Variants in AKR1C2 observed in about 807,000 individuals in gnomAD.
AKR1C2 encodes aldo-keto reductase family 1 member C2.
A neutral mutation model predicts 39.8 loss-of-function variants in AKR1C2; 27 were observed. The ratio of observed to expected loss-of-function variants is 0.68; its 90% CI spans 0.50 to 0.93. The LOEUF is 0.93. Ranked by LOEUF, AKR1C2 falls within the 40% of genes least tolerant of loss-of-function variation. The pLI is 0.00. For synonymous variants in AKR1C2, 114 were observed against 137.9 expected (o/e 0.83, Z 1.22); for missense variants, 263 against 365.1 (o/e 0.72, Z 2.28).
rs370479549 is a variant in AKR1C2, at chr10:4,989,980, T to G, written c.*16A>C. On this transcript the variant is annotated 3_prime_UTR_variant, in exon 9 of 9. Transcript: ENST00000380753. ...ACGCAGGGCCTTCTGGCAGACCTCA[T>G]GCAATGCCCTCCATGTTAATATTCA... is the stretch of plus-strand genomic sequence containing the variant. 2 of 1,607,608 alleles carry G rather than the reference T, an allele frequency of 1.2e-6. No homozygotes were observed. Among genetic ancestry groups the G allele is most frequent in the Non-Finnish European group, 1.7e-6 (2 of 1,175,504 alleles).
At chr10:5,012,050 G>C (rs1837534982) in intron 1 of AKR1C2, among the ~76,000 whole-genome samples, 1 of 152,016 alleles carries the variant, frequency 6.6e-6, no homozygotes, top group South Asian at 2.1e-4. Flanking sequence ...CACAAATCCT[G>C]GGAGAAAGGG....
intron 2 of AKR1C2, among the ~76,000 whole-genome samples, chr10:5,001,069 C>T (rs1837253714): frequency 6.6e-6 from 1 of 152,158 alleles, no homozygotes; most frequent in Non-Finnish European, 1.5e-5. Context: ...AATATGTTAA[C>T]TTGGGCTGGA....
intron 8 of AKR1C2, among the ~76,000 whole-genome samples, chr10:4,991,437 C>T (rs571980433): frequency 1.3e-5 from 2 of 152,284 alleles, no homozygotes; most frequent in Non-Finnish European, 2.9e-5. Flanking sequence ...TCTGGTAAGA[C>T]ATTGAGCAGG....
intron 7 of AKR1C2, among the ~76,000 whole-genome samples, chr10:4,993,141 A>C (rs1407491026): frequency 6.6e-6 from 1 of 152,252 alleles, no homozygotes; most frequent in Non-Finnish European, 1.5e-5. Flanking sequence ...TAAAACATTT[A>C]CTTGCCTGTG....
upstream of AKR1C2, among the ~76,000 whole-genome samples, chr10:5,007,792 A>C (rs560008846): frequency 5.8e-4 from 87 of 150,878 alleles, 1 homozygote; most frequent in South Asian, 4.8e-3. Flanking sequence ...AAAATCAAAA[A>C]CAAGTTATTT....
At chr10:4,990,637 G>T (rs1189978706) in intron 8 of AKR1C2, among the ~76,000 whole-genome samples, 1 of 152,034 alleles carries the variant, frequency 6.6e-6, no homozygotes, top group Non-Finnish European at 1.5e-5. Context: ...AATCCAAAAT[G>T]TAAAGACACA....
chr10:5,001,679 A>G lies in AKR1C2; in HGVS notation c.87T>C (p.Val29=), dbSNP rs1837279084. 3 of 1,613,544 alleles carry G rather than the reference A, an allele frequency of 1.9e-6. No individual in the cohort carries two copies. Among genetic ancestry groups the G allele is most frequent in the Admixed American group, 3.3e-5 (2 of 59,950 alleles). Residue 29 remains valine (V), a splice_region_variant and synonymous_variant, in exon 2 of 9, where the codon GTT becomes GTC. Transcript: ENST00000380753. ...CGGCCTCTAGAGCTTTACTTTTAGG[A>G]ACCTGGGGGAGCAACCAAACGTAAT... The part of the protein sequence containing the change: ...LGFGTYAPAE[V]PKSKALEAVK...
chr10:5,012,317 C>G (rs541705889), intron 1 of AKR1C2, among the ~76,000 whole-genome samples: 4 of 152,024 alleles, frequency 2.6e-5, no homozygotes, highest in South Asian at 2.1e-4. Flanking sequence ...ATAACTCATG[C>G]CTTTATCTTT....
At chr10:5,017,768 T>C (rs1267338734) in intron 1 of AKR1C2, 4 of 152,310 alleles carry the variant, frequency 2.6e-5, no homozygotes, top group Non-Finnish European at 4.4e-5. Context: ...CAATTTTCTG[T>C]ATTATTTTAT....
At chr10:4,998,534 A>G in intron 5 of AKR1C2, 91 bp downstream of exon 5, 1 of 1,557,972 alleles carries the variant, frequency 6.4e-7, no homozygotes. Flanking sequence ...TCTTTTACAA[A>G]GATAAGTGGG....
At chr10:4,993,612 A>C (rs1386819037) in intron 7 of AKR1C2, among the ~76,000 whole-genome samples, 1 of 152,242 alleles carries the variant, frequency 6.6e-6, no homozygotes, top group Non-Finnish European at 1.5e-5. Context: ...AGAAAGAGGC[A>C]TGAAAAATTA....
chr10:5,000,867 A>G (rs1198926243), intron 2 of AKR1C2, among the ~76,000 whole-genome samples: 1 of 152,244 alleles, frequency 6.6e-6, no homozygotes, highest in Non-Finnish European at 1.5e-5. Context: ...GTTAGTACAT[A>G]TATTGAATGA....
intron 1 of AKR1C2, chr10:5,015,691 T>A (rs1554775308): frequency 6.6e-6 from 1 of 152,230 alleles, no homozygotes. Context: ...TGGACATATT[T>A]GATTAGTACC....
In AKR1C2 at chr10:4,989,885, C is replaced by G; in HGVS notation, c.*111G>C. The G allele has an allele frequency of 1.4e-6, 2 of 1,447,748 alleles. No homozygotes were observed. The highest frequency in any genetic ancestry group is 2.6e-5 in the South Asian group (2 of 77,882). The allele number at this position is 1,447,748 out of a possible 1,614,324, so 89.7% of individuals were successfully genotyped here. The stretch of plus-strand genomic sequence containing the variant: ...GCTGTAGCTTACTGAAGTCGCCAAG[C>G]AGGAGAGATTTAACCAGAGGCGATG... On this transcript the variant is annotated 3_prime_UTR_variant, in exon 9 of 9. Transcript: ENST00000380753.
intron 1 of AKR1C2, among the ~76,000 whole-genome samples, chr10:5,011,377 C>A (rs181856747): frequency 4.6e-5 from 7 of 152,310 alleles, no homozygotes; most frequent in Non-Finnish European, 8.8e-5. Context: ...CCAGACCTCA[C>A]CACTGTGCAA....
At chr10:5,007,236 C>A (rs1253107646), upstream of AKR1C2, among the ~76,000 whole-genome samples, 5 of 140,854 alleles carry the variant, frequency 3.5e-5, no homozygotes, top group African/African-American at 1.0e-4. Context: ...GGTATAAAGA[C>A]CTCTCGTAAA....
upstream of AKR1C2, chr10:5,006,692 G>A (rs565182674): frequency 9.2e-5 from 14 of 152,070 alleles, no homozygotes; most frequent in Non-Finnish European, 1.6e-4. Flanking sequence ...TCTTATGAGA[G>A]TCTTTGGAGG....
At chr10:5,016,084 T>C (rs1160503691) in intron 1 of AKR1C2, among the ~76,000 whole-genome samples, 1 of 152,082 alleles carries the variant, frequency 6.6e-6, no homozygotes, top group Admixed American at 6.6e-5. Context: ...TCCCCAACAG[T>C]GGGAACTAGA....
Position 5,012,588 on chromosome 10 carries a change from C to G in AKR1C2, c.-88+5312G>C, listed in dbSNP as rs61856094. ...AGCCAAGGAACACATTCTCTGGAAC[C>G]TGGAATGGCCCAGAATAGCATTTTC... On this transcript the variant is annotated intron_variant, in intron 1 of 6. Coordinates refer to the AKR1C2 transcript ENST00000604507. Among the ~76,000 whole-genome samples the G allele has an allele frequency of 3.5e-3, 531 of 151,946 alleles. 5 individuals are homozygous for G. Among genetic ancestry groups the G allele is most frequent in the Non-Finnish European group, 4.4e-3 (296 of 67,992 alleles).
Sources: allele counts gnomAD v4.1 joint callset (sites outside exome capture counted in the v4.1 genomes callset), GRCh38; gene constraint gnomAD v4.1.1; transcripts MANE v1.5; gene names NCBI Gene and HGNC (gene_info 2026-07-23, HGNC 2026-07-21).